Variants in CWF19L1 observed in about 807,000 individuals in gnomAD.
The protein encoded by CWF19L1 is CWF19 like cell cycle control factor 1.
In CWF19L1, 60 loss-of-function variants were observed where a neutral mutation model predicts 69.7. That is an observed-to-expected ratio of 0.86 (90% CI 0.70 to 1.07). CWF19L1 has a LOEUF of 1.07. Among genes scored for constraint, CWF19L1 ranks in the 50% least tolerant of loss-of-function variants. CWF19L1 has a pLI of 0.00. For missense variants in CWF19L1, 591 were observed against 638.9 expected (o/e 0.92, Z 0.81); for synonymous variants, 209 against 222.2 (o/e 0.94, Z 0.53).
intron 4 of CWF19L1, among the ~76,000 whole-genome samples, chr10:100,258,055 T>C (rs985173407): frequency 6.6e-6 from 1 of 151,984 alleles, no homozygotes; most frequent in Non-Finnish European, 1.5e-5. Context: ...CTGACCAACA[T>C]GGTGAAACCC....
chr10:100,251,474 G>T (rs1847027393), intron 6 of CWF19L1, among the ~76,000 whole-genome samples: 1 of 145,032 alleles, frequency 6.9e-6, no homozygotes. Flanking sequence ...AATGGCTAAT[G>T]ATAAGAGCAT....
chr10:100,256,180 T>A (rs1847205748), intron 5 of CWF19L1, 82 bp downstream of exon 5: 1 of 1,060,702 alleles, frequency 9.4e-7, no homozygotes, highest in Non-Finnish European at 1.5e-6. Flanking sequence ...AAATACTCAA[T>A]ATAAACAGGA....
At chr10:100,248,541 A>G (rs1846909344) in intron 7 of CWF19L1, 3 of 715,960 alleles carry the variant, frequency 4.2e-6, no homozygotes, top group South Asian at 1.5e-5. Context: ...CACGGTGCAC[A>G]TGGGGGCCTG....
intron 5 of CWF19L1, chr10:100,254,461 C>T (rs1035137864): frequency 6.6e-6 from 1 of 152,180 alleles, no homozygotes; most frequent in Non-Finnish European, 1.5e-5. Context: ...ATTAAGTGAT[C>T]TCTCACCCAC....
intron 11 of CWF19L1, 77 bp from the exon 12 acceptor site, chr10:100,237,046 G>A (rs953966505): frequency 6.7e-7 from 1 of 1,502,558 alleles, no homozygotes; most frequent in African/African-American, 1.4e-5. Flanking sequence ...CTGAGAAGTA[G>A]CAAATCCATC....
intron 10 of CWF19L1, among the ~76,000 whole-genome samples, chr10:100,242,160 A>T (rs1341839942): frequency 6.6e-6 from 1 of 152,130 alleles, no homozygotes; most frequent in Admixed American, 6.6e-5. Context: ...ACCTGAATAA[A>T]ATCATACTCA....
intron 13 of CWF19L1, among the ~76,000 whole-genome samples, chr10:100,234,459 CTTATG>C (rs1846368395): frequency 6.6e-6 from 1 of 152,162 alleles, no homozygotes; most frequent in Admixed American, 6.5e-5. Flanking sequence ...CAATCGTGTG[CTTATG>C]TTGTCAATGT....
At chr10:100,236,780 A>G in intron 12 of CWF19L1, 70 bp downstream of exon 12, 1 of 1,516,296 alleles carries the variant, frequency 6.6e-7, no homozygotes, top group Non-Finnish European at 8.8e-7. Flanking sequence ...AAACAAACAA[A>G]CAAACAACAA....
intron 8 of CWF19L1, 80 bp downstream of exon 8, chr10:100,246,715 C>T (rs577098640): frequency 6.8e-6 from 9 of 1,327,634 alleles, no homozygotes; most frequent in African/African-American, 3.0e-5. Context: ...TAGATTCTAA[C>T]GATTAAACTT....
chr10:100,267,237 C>T (rs1193979143), intron 1 of CWF19L1, among the ~76,000 whole-genome samples: 1 of 148,962 alleles, frequency 6.7e-6, no homozygotes, highest in African/African-American at 2.5e-5. Flanking sequence ...GGCCCAATGG[C>T]TATTTGGCGA....
chr10:100,256,998 T>A (rs1310929325), intron 4 of CWF19L1, among the ~76,000 whole-genome samples: 1 of 152,196 alleles, frequency 6.6e-6, no homozygotes, highest in Admixed American at 6.5e-5. Context: ...AACTTCCAAG[T>A]GAAGGAAAAC....
Position 100,245,820 on chromosome 10 carries a change from GA to G in CWF19L1, c.942del (p.Pro315GlnfsTer68), listed in dbSNP as rs749679347. On this transcript the variant is annotated frameshift_variant, in exon 9 of 14. Transcript: ENST00000354105. LOFTEE classifies it high-confidence loss of function. ...STGRDSKSSP[H>X]PKQPRKPPQP... ...TTACGAGGTTTGCGAGGCTGCTTTG[GA>G]TGAGGAGAAGATTTGCTATCTCTAC... 2 of 1,613,980 alleles carry G rather than the reference GA, an allele frequency of 1.2e-6. No individual in the cohort carries two copies. The highest frequency in any genetic ancestry group is 1.7e-6 in the Non-Finnish European group (2 of 1,179,804).
Position 100,238,040 on chromosome 10 carries a change from G to A in CWF19L1, c.1236C>T (p.Ser412=), listed in dbSNP as rs1433594800. ...WCVVFERNYK[S]HHLQLQVIPV... ...CACCTACCTGTAGCTGGAGGTGATGGCTCTTATAATTTCTCTCAAATACAA... is the reference window on the plus strand; with the variant it reads ...CACCTACCTGTAGCTGGAGGTGATGACTCTTATAATTTCTCTCAAATACAA... The change falls in exon 11 of 14, where the codon AGC becomes AGT. Residue 412 remains serine, a synonymous_variant. Coordinates refer to ENST00000354105, the MANE Select transcript of CWF19L1 (RefSeq NM_018294.6). The A allele has an allele frequency of 6.2e-7, 1 of 1,614,112 alleles. No homozygotes were observed. Among genetic ancestry groups the A allele is most frequent in the South Asian group, 1.1e-5 (1 of 91,078 alleles).
At chr10:100,262,263 T>A in intron 1 of CWF19L1, 200 bp from the exon 2 acceptor site, 1 of 985,450 alleles carries the variant, frequency 1.0e-6, no homozygotes, top group Non-Finnish European at 1.2e-6. Context: ...ATCTAAAATT[T>A]AGCTTATCAT....
In CWF19L1 at chr10:100,245,838, T is replaced by A; in HGVS notation, c.925A>T (p.Ser309Cys). 6.2e-7 allele frequency: 1 copy of A among 1,614,232 alleles called. No homozygotes were observed. Among genetic ancestry groups the A allele is most frequent in the Non-Finnish European group, 8.5e-7 (1 of 1,180,022 alleles). Residue 309 changes from serine (S) to cysteine (C), a missense_variant, in exon 9 of 14, where the codon AGC becomes TGC. By Grantham distance (112) the Ser-to-Cys change is moderately radical. This residue lies in a region of CWF19L1 where 458 missense variants were observed against 489.3 expected (regional missense o/e 0.94). Coordinates refer to ENST00000354105, the MANE Select transcript of CWF19L1 (RefSeq NM_018294.6). ...TGCTTTGGATGAGGAGAAGATTTGCTATCTCTACCTGTGGATGAACGCTTC... is the reference window on the plus strand; with the variant it reads ...TGCTTTGGATGAGGAGAAGATTTGCAATCTCTACCTGTGGATGAACGCTTC... Reference protein sequence around the residue: ...GRKRSSTGRDSKSSPHPKQPR... With the variant: ...GRKRSSTGRDCKSSPHPKQPR...
At position 100,233,255 on chromosome 10, in the gene CWF19L1, TCA is replaced by T. The variant is rs1846332588; in HGVS notation, c.1587_1588del (p.Phe529LeufsTer4). ...GTCATCCAGAGTAAAGTCATAGGGC[TCA>T]AAGTCTTTCCGGAAGCGGCGAGCCA... On this transcript the variant is annotated frameshift_variant, in exon 14 of 14. Transcript: ENST00000354105. LOFTEE classifies it high-confidence loss of function. 1 of 1,613,822 alleles carries T rather than the reference TCA, an allele frequency of 6.2e-7. No individual in the cohort carries two copies. The highest frequency in any genetic ancestry group is 1.3e-5 in the African/African-American group (1 of 75,020).
rs1846334308 is a variant in CWF19L1 at position 100,233,287 on chromosome 10, C to T, written c.1557G>A (p.Glu519=). Residue 519 remains glutamate, a synonymous_variant, in exon 14 of 14, where the codon GAG becomes GAA. Transcript: ENST00000354105. The stretch of plus-strand genomic sequence containing the variant: ...CTTTCCGGAAGCGGCGAGCCAGGGT[C>T]TCCTCGTCTTCCTTGCTGATCTGAC... ...RQCQISKEDE[E]TLARRFRKDF... The T allele has an allele frequency of 6.2e-7, 1 of 1,613,858 alleles. No homozygotes were observed. Among genetic ancestry groups the T allele is most frequent in the South Asian group, 1.1e-5 (1 of 91,056 alleles).
rs56827592 is a variant in CWF19L1 at position 100,267,147 on chromosome 10, C to CAAA, written c.23+421_23+423dup. ...CCACCACCCCCACCCCTCCTCCTCGCAAAAAAAAAAAAAAAAAAAAAATGC... is the reference window on the plus strand; with the variant it reads ...CCACCACCCCCACCCCTCCTCCTCGCAAAAAAAAAAAAAAAAAAAAAAAAATGC... On this transcript the variant is annotated intron_variant, in intron 1 of 13. Transcript: ENST00000354105. Among the ~76,000 whole-genome samples, 85 of 30,782 alleles carry CAAA rather than the reference C, an allele frequency of 2.8e-3. 1 individual carries two copies. The highest frequency in any genetic ancestry group is 4.5e-3 in the African/African-American group (37 of 8,250). 20.2% of individuals were successfully genotyped at this position (30,782 alleles called of 152,430 possible).
rs200947452 is a variant in CWF19L1 at position 100,242,865 on chromosome 10, CAG to C, written c.1044+831_1044+832del. On this transcript the variant is annotated intron_variant, in intron 10 of 13. Coordinates refer to ENST00000354105, the MANE Select transcript of CWF19L1 (RefSeq NM_018294.6). ...TCTCAATTAGACGGGCTAAAAAATA[CAG>C]AGAGTCCAAGAAGTATATAAAAGCA... is the stretch of plus-strand genomic sequence containing the variant. Among the ~76,000 whole-genome samples the C allele has an allele frequency of 1.1e-3, 164 of 152,130 alleles. 1 individual carries two copies. The highest frequency in any genetic ancestry group is 3.7e-3 in the African/African-American group (154 of 41,508).
Sources: allele counts gnomAD v4.1 joint callset (sites outside exome capture counted in the v4.1 genomes callset), GRCh38; gene constraint gnomAD v4.1.1; regional missense constraint gnomAD v4.1.1; transcripts MANE v1.5; gene names NCBI Gene and HGNC (gene_info 2026-07-23, HGNC 2026-07-21).